Variants in IGF2BP2 observed in about 807,000 individuals in gnomAD.
IGF2BP2 encodes insulin like growth factor 2 mRNA binding protein 2.
IGF2BP2 carries 17 observed loss-of-function variants against 75.8 expected under a neutral mutation model. The ratio of observed to expected loss-of-function variants is 0.22; its 90% CI spans 0.15 to 0.34. IGF2BP2 has a LOEUF of 0.34. Among genes scored for constraint, IGF2BP2 ranks in the 10% least tolerant of loss-of-function variants. The pLI is 1.00. For synonymous variants in IGF2BP2, 288 were observed against 295.6 expected (o/e 0.97, Z 0.26); for missense variants, 516 against 772.4 (o/e 0.67, Z 3.93).
chr3:185,669,378 T>G (rs1718167036), intron 10 of IGF2BP2, among the ~76,000 whole-genome samples: 1 of 151,778 alleles, frequency 6.6e-6, no homozygotes, highest in Non-Finnish European at 1.5e-5. Context: ...CACACGCACA[T>G]ACCTACACAG....
Position 185,672,570 on chromosome 3 carries a change from G to C in IGF2BP2, c.1171C>G (p.Pro391Ala). Residue 391 changes from proline (P) to alanine (A), a missense_variant, in exon 10 of 16, where the codon CCC becomes GCC. Pro to Ala is a conservative substitution (Grantham distance 27). Around this residue, in one of 3 missense-constraint regions of IGF2BP2, gnomAD observed 75 missense variants for 67.4 expected, o/e 1.11. Transcript: ENST00000382199. ...LSPPAGPRGA[P>A]PAAPYHPFTT... ...AAGGGGTGGTAGGGGGCAGCGGGGG[G>C]AGCTCCGCGGGGCCCTGCTGGTGGA... The C allele has an allele frequency of 6.2e-7, 1 of 1,612,656 alleles. No individual in the cohort carries two copies. The highest frequency in any genetic ancestry group is 8.5e-7 in the Non-Finnish European group (1 of 1,179,134).
chr3:185,729,104 C>CTT (rs200521218), intron 2 of IGF2BP2, among the ~76,000 whole-genome samples: 329 of 146,980 alleles, frequency 2.2e-3, no homozygotes, highest in African/African-American at 7.9e-3. Flanking sequence ...AAGATTACTG[C>CTT]TTTTTTTTTT....
In IGF2BP2 at chr3:185,643,531, A is replaced by G. The variant is rs1712988431; in HGVS notation, c.*2000T>C. ...CTAACAAGTTCCCAGATGATAGCTG[A>G]TGCTGCTGGTCTGGGGACTACACTT... On this transcript the variant is annotated 3_prime_UTR_variant, in exon 16 of 16. Transcript: ENST00000382199. Among the ~76,000 whole-genome samples the G allele has an allele frequency of 6.6e-6, 1 of 152,186 alleles. No homozygotes were observed. Among genetic ancestry groups the G allele is most frequent in the South Asian group, 2.1e-4 (1 of 4,830 alleles).
At chr3:185,711,594 G>A (rs889980998) in intron 2 of IGF2BP2, among the ~76,000 whole-genome samples, 11 of 152,224 alleles carry the variant, frequency 7.2e-5, no homozygotes, top group Non-Finnish European at 1.2e-4. Context: ...CACCAGCAGA[G>A]AGGTGCACAT....
chr3:185,667,343 G>C (rs1460384124), intron 10 of IGF2BP2, among the ~76,000 whole-genome samples: 1 of 152,128 alleles, frequency 6.6e-6, no homozygotes, highest in Non-Finnish European at 1.5e-5. Flanking sequence ...AGGTGCGGTA[G>C]CAAGTGCTTG....
chr3:185,653,334 T>C (rs1263158092), intron 12 of IGF2BP2, among the ~76,000 whole-genome samples: 4 of 151,636 alleles, frequency 2.6e-5, no homozygotes, highest in African/African-American at 9.7e-5. Flanking sequence ...AAAAGTAAAA[T>C]GAGGCCAGGC....
chr3:185,715,959 C>G (rs1725547621), intron 2 of IGF2BP2, among the ~76,000 whole-genome samples: 2 of 152,118 alleles, frequency 1.3e-5, no homozygotes, highest in African/African-American at 4.8e-5. Flanking sequence ...TTCCTCACTT[C>G]TTTTTGACAT....
At chr3:185,799,849 C>T (rs1737967797) in intron 2 of IGF2BP2, among the ~76,000 whole-genome samples, 1 of 152,052 alleles carries the variant, frequency 6.6e-6, no homozygotes, top group African/African-American at 2.4e-5. Flanking sequence ...ATTAGTTCAA[C>T]CATTGTGGAA....
At chr3:185,665,433 G>A (rs1717302540) in intron 10 of IGF2BP2, among the ~76,000 whole-genome samples, 1 of 140,092 alleles carries the variant, frequency 7.1e-6, no homozygotes, top group East Asian at 2.1e-4. Flanking sequence ...AGAAGGAGGA[G>A]GAGGAGAAGG....
intron 2 of IGF2BP2, among the ~76,000 whole-genome samples, chr3:185,795,524 C>T (rs1737247289): frequency 6.6e-6 from 1 of 152,178 alleles, no homozygotes; most frequent in Non-Finnish European, 1.5e-5. Flanking sequence ...TGTATCAGTG[C>T]TATTTTCAAA....
Position 185,672,614 on chromosome 3 carries a change from G to A in IGF2BP2, c.1127C>T (p.Thr376Ile). The A allele has an allele frequency of 6.2e-7, 1 of 1,614,004 alleles. No individual in the cohort carries two copies. The highest frequency in any genetic ancestry group is 1.3e-5 in the African/African-American group (1 of 75,050). The change falls in exon 10 of 16, where the codon ACA (threonine) becomes ATA (isoleucine). Residue 376 changes from threonine to isoleucine, a missense_variant. This residue lies in a region of IGF2BP2 where 75 missense variants were observed against 67.4 expected (regional missense o/e 1.11). Coordinates refer to ENST00000382199, the MANE Select transcript of IGF2BP2 (RefSeq NM_006548.6). The part of the protein sequence containing the change: ...LNLSALGIFS[T>I]GLSVLSPPAG... ...TGGTGGAGATAGCACGGACAGTCCT[G>A]TTGAAAAGATGCCAAGTGCGCTGAG...
At chr3:185,677,068 T>TAGAGAGAGAGAGAGAGAGAGAGAG (rs71164535) in intron 7 of IGF2BP2, among the ~76,000 whole-genome samples, 2 of 35,876 alleles carry the variant, frequency 5.6e-5, no homozygotes, top group African/African-American at 1.6e-4. Context: ...TATATATATA[T>TAGAGAGAGAGAGAGAGAGAGAGAG]AGAGAGAGAG....
At chr3:185,657,430 A>C in intron 11 of IGF2BP2, 28 bp from the exon 12 acceptor site, 1 of 1,549,568 alleles carries the variant, frequency 6.5e-7, no homozygotes, top group Non-Finnish European at 8.9e-7. Context: ...GAAAGAAGAC[A>C]TCATTCCAAC....
chr3:185,787,337 T>G (rs937874079), intron 2 of IGF2BP2, among the ~76,000 whole-genome samples: 8 of 151,872 alleles, frequency 5.3e-5, no homozygotes, highest in Non-Finnish European at 1.2e-4. Context: ...CTTAAAGAAA[T>G]AAAAAATATG....
intron 2 of IGF2BP2, among the ~76,000 whole-genome samples, chr3:185,762,965 T>A (rs939732943): frequency 1.3e-5 from 2 of 152,198 alleles, no homozygotes; most frequent in African/African-American, 4.8e-5. Context: ...TTAAGAAGGT[T>A]TATCTGCCTA....
chr3:185,715,815 T>C (rs1725525432), intron 2 of IGF2BP2, among the ~76,000 whole-genome samples: 1 of 152,114 alleles, frequency 6.6e-6, no homozygotes, highest in South Asian at 2.1e-4. Flanking sequence ...AGCTAATTTT[T>C]TTGTATTTTT....
At chr3:185,723,325 G>C (rs570663333) in intron 2 of IGF2BP2, among the ~76,000 whole-genome samples, 3 of 152,314 alleles carry the variant, frequency 2.0e-5, no homozygotes, top group South Asian at 2.1e-4. Flanking sequence ...GTCCACAGCA[G>C]CCTACAGTCA....
intron 1 of IGF2BP2, among the ~76,000 whole-genome samples, chr3:185,824,027 C>T (rs1318391751): frequency 2.6e-5 from 4 of 151,810 alleles, no homozygotes; most frequent in Non-Finnish European, 5.9e-5. Flanking sequence ...GGGGGACGGG[C>T]GGCGGAAAGC....
At chr3:185,723,575 C>CTA (rs1726886337) in intron 2 of IGF2BP2, among the ~76,000 whole-genome samples, 1 of 152,218 alleles carries the variant, frequency 6.6e-6, no homozygotes, top group Non-Finnish European at 1.5e-5. Flanking sequence ...CAGACAGGAA[C>CTA]TAGCACAGGT....
Sources: gnomAD v4.1 joint callset for allele counts (sites outside exome capture counted in the v4.1 genomes callset) on GRCh38, gnomAD v4.1.1 for gene constraint, gnomAD v4.1.1 regional missense constraint, MANE v1.5 for transcripts, NCBI Gene and HGNC (gene_info 2026-07-23, HGNC 2026-07-21) for gene names.